The following AJAP1 variants were observed in gnomAD, a reference collection of about 807,000 sequenced individuals.
The protein encoded by AJAP1 is adherens junctions associated protein 1, also known as adherens junction-associated protein 1.
In AJAP1, 5 loss-of-function variants were observed where a neutral mutation model predicts 35.0. That is an observed-to-expected ratio of 0.14 (90% confidence interval 0.07 to 0.30). The LOEUF is 0.30. AJAP1 is among the 10% of genes least tolerant of loss of function. The pLI, the probability that AJAP1 is intolerant of heterozygous loss-of-function variation, is 1.00. For missense variants in AJAP1, 586 were observed against 571.0 expected, an observed-to-expected ratio of 1.03 and a Z score of -0.27; for synonymous variants, 284 against 249.3, an observed-to-expected ratio of 1.14 and a Z score of -1.31.
At chr1:4,721,314 G>T (rs768015288) in intron 2 of AJAP1, among the ~76,000 whole-genome samples, 1 of 152,152 alleles carries the variant, frequency 6.6e-6, no homozygotes, top group Non-Finnish European at 1.5e-5. Context: ...TACCTCTTCC[G>T]CCTGAAGCAT....
intron 2 of AJAP1, among the ~76,000 whole-genome samples, chr1:4,744,625 G>GCACA (rs34180991): frequency 3.8e-4 from 57 of 149,818 alleles, no homozygotes; most frequent in East Asian, 1.0e-3. Context: ...ACATGCATAT[G>GCACA]CACACACACA....
intron 2 of AJAP1, among the ~76,000 whole-genome samples, chr1:4,760,067 A>G (rs1641528782): frequency 6.6e-6 from 1 of 152,192 alleles, no homozygotes; most frequent in African/African-American, 2.4e-5. Context: ...AAATGATAGC[A>G]GAAGTTCAGT....
chr1:4,655,510 G>A lies in AJAP1; in HGVS notation c.29+56G>A. 6.5e-7 allele frequency: 1 copy of A among 1,544,056 alleles called. No homozygotes were observed. The highest frequency in any genetic ancestry group is 1.9e-5 in the Admixed American group (1 of 53,978). On this transcript the variant is annotated intron_variant, in intron 1 of 5. Coordinates refer to ENST00000378191, the MANE Select transcript of AJAP1 (RefSeq NM_018836.4). The surrounding 1 kb of genome is among the most constrained non-coding windows in gnomAD (Gnocchi z 6.9). ...TGGGCGCGTGGGTGCCAGGCTGGGC[G>A]GAAGCGGCGCTTTCCTCTATGTTGC...
intron 1 of AJAP1, among the ~76,000 whole-genome samples, chr1:4,663,744 G>A (rs578099358): frequency 3.9e-5 from 6 of 152,300 alleles, no homozygotes; most frequent in South Asian, 4.1e-4. Flanking sequence ...TCTTGCAACC[G>A]GTGTGGACTC....
intron 1 of AJAP1, among the ~76,000 whole-genome samples, chr1:4,694,596 A>G (rs538633113): frequency 1.2e-4 from 19 of 152,338 alleles, no homozygotes; most frequent in Non-Finnish European, 1.9e-4. Context: ...CAGAAACTAA[A>G]TGACCAGACT....
At chr1:4,726,602 C>G (rs544803703) in intron 2 of AJAP1, among the ~76,000 whole-genome samples, 1 of 152,204 alleles carries the variant, frequency 6.6e-6, no homozygotes, top group East Asian at 1.9e-4. Flanking sequence ...CCTCAGCCCC[C>G]ACTGTGTGGC....
chr1:4,746,095 G>T (rs1001956342), intron 2 of AJAP1, among the ~76,000 whole-genome samples: 2 of 152,192 alleles, frequency 1.3e-5, no homozygotes, highest in Non-Finnish European at 2.9e-5. Context: ...CTGAAAGAAA[G>T]GTGTCCTAGG....
rs1247094535 is a variant in AJAP1, at chr1:4,782,335, G to A, written c.*60-210G>A. 6.6e-6 allele frequency among the ~76,000 whole-genome samples: 1 copy of A among 152,164 alleles called. No homozygotes were observed. The highest frequency in any genetic ancestry group is 1.5e-5 in the Non-Finnish European group (1 of 68,026). The stretch of plus-strand genomic sequence containing the variant: ...CCACTTCATACCCTTGGGATTCCCA[G>A]TGTTTCTTCCAGTTCCTGCTGACCA... On this transcript the variant is annotated intron_variant, in intron 5 of 5. Coordinates refer to ENST00000378191, the MANE Select transcript of AJAP1 (RefSeq NM_018836.4). This position sits in a 1 kb window ranked among gnomAD's most constrained non-coding sequence, Gnocchi z 5.3.
intron 2 of AJAP1, among the ~76,000 whole-genome samples, chr1:4,766,944 C>T (rs181951847): frequency 7.9e-4 from 120 of 152,138 alleles, no homozygotes; most frequent in African/African-American, 2.4e-3. Flanking sequence ...CTAGGTGCAT[C>T]GAGGGATCCT....
intron 2 of AJAP1, among the ~76,000 whole-genome samples, chr1:4,763,319 C>T (rs1308135366): frequency 1.3e-5 from 2 of 152,190 alleles, no homozygotes; most frequent in South Asian, 2.1e-4. Flanking sequence ...GTGACCAAGC[C>T]GAGTCCTGTG....
chr1:4,690,512 C>T (rs566100832), intron 1 of AJAP1, among the ~76,000 whole-genome samples: 4 of 152,298 alleles, frequency 2.6e-5, no homozygotes, highest in East Asian at 1.9e-4. Flanking sequence ...GGGGACGTCG[C>T]GGCTGCTTTC....
chr1:4,726,779 G>A (rs1640671551), intron 2 of AJAP1, among the ~76,000 whole-genome samples: 1 of 152,176 alleles, frequency 6.6e-6, no homozygotes, highest in Admixed American at 6.5e-5. Flanking sequence ...CCGAGAGCCG[G>A]GGGCCTGCAT....
intron 2 of AJAP1, among the ~76,000 whole-genome samples, chr1:4,765,163 C>G (rs989129667): frequency 6.6e-5 from 10 of 152,298 alleles, no homozygotes; most frequent in Non-Finnish European, 1.0e-4. Flanking sequence ...CAAGAATTCC[C>G]ACACAGCCTG....
At chr1:4,748,258 C>T (rs1196725215) in intron 2 of AJAP1, among the ~76,000 whole-genome samples, 1 of 152,182 alleles carries the variant, frequency 6.6e-6, no homozygotes, top group Non-Finnish European at 1.5e-5. Flanking sequence ...CTCAGCGCTT[C>T]TGCTGTGTGG....
At chr1:4,773,175 T>C (rs1321497863) in intron 4 of AJAP1, among the ~76,000 whole-genome samples, 1 of 152,104 alleles carries the variant, frequency 6.6e-6, no homozygotes, top group East Asian at 1.9e-4. Flanking sequence ...TGCATCATGT[T>C]GTAAATTAAA....
chr1:4,774,289 TC>T, intron 4 of AJAP1, 137 bp from the exon 5 acceptor site: 1 of 739,322 alleles, frequency 1.4e-6, no homozygotes, highest in South Asian at 1.7e-5. Context: ...GGTGGTCCCT[TC>T]CTGGCAAGGC....
At chr1:4,779,625 C>T (rs1231171175) in intron 5 of AJAP1, among the ~76,000 whole-genome samples, 2 of 152,068 alleles carry the variant, frequency 1.3e-5, no homozygotes, top group African/African-American at 4.8e-5. Context: ...ATTAAGGTGG[C>T]AGCCATATGA....
At chr1:4,670,272 A>G (rs1224932841) in intron 1 of AJAP1, among the ~76,000 whole-genome samples, 1 of 152,188 alleles carries the variant, frequency 6.6e-6, no homozygotes, top group Non-Finnish European at 1.5e-5. Context: ...GAGGAGGCTC[A>G]GTGAGAAGCA....
intron 2 of AJAP1, among the ~76,000 whole-genome samples, chr1:4,767,515 TCAC>T (rs754923813): frequency 3.4e-5 from 5 of 146,444 alleles, no homozygotes; most frequent in Non-Finnish European, 6.1e-5. Flanking sequence ...ATCATCACCA[TCAC>T]CACCACCATC....
Sources: gnomAD v4.1 joint callset for allele counts (sites outside exome capture counted in the v4.1 genomes callset) on GRCh38, gnomAD v4.1.1 for gene constraint, Gnocchi (gnomAD v3.1) non-coding constraint, MANE v1.5 for transcripts, NCBI Gene and HGNC (gene_info 2026-07-23, HGNC 2026-07-21) for gene names.